SND1: variants seen among roughly 807,000 people sequenced by gnomAD.
SND1 encodes staphylococcal nuclease and tudor domain containing 1, also known as staphylococcal nuclease domain-containing protein 1.
Under a neutral mutation model 121.7 loss-of-function variants are expected in SND1, and 38 were observed. The ratio of observed to expected loss-of-function variants is 0.31; its 90% CI spans 0.24 to 0.41. The LOEUF is 0.41. Ranked by LOEUF, SND1 falls within the 10% of genes least tolerant of loss-of-function variation. The pLI, the probability that SND1 is intolerant of heterozygous loss-of-function variation, is 1.00. For missense variants in SND1, 868 were observed against 1,184.6 expected (o/e 0.73, Z 3.92); for synonymous variants, 401 against 447.4 (o/e 0.90, Z 1.31).
intron 15 of SND1, among the ~76,000 whole-genome samples, chr7:127,953,627 A>T (rs927731830): frequency 6.6e-6 from 1 of 152,212 alleles, no homozygotes; most frequent in African/African-American, 2.4e-5. Flanking sequence ...TATTGTCATA[A>T]TGACACTAAT....
At chr7:127,871,734 C>T (rs1799591011) in intron 12 of SND1, among the ~76,000 whole-genome samples, 1 of 152,100 alleles carries the variant, frequency 6.6e-6, no homozygotes, top group Admixed American at 6.6e-5. Context: ...TCTTGTTGGC[C>T]TCAAACATTA....
intron 10 of SND1, among the ~76,000 whole-genome samples, chr7:127,787,559 T>A (rs1463664270): frequency 1.3e-5 from 2 of 152,184 alleles, no homozygotes; most frequent in Admixed American, 1.3e-4. Context: ...TGAGAATCTG[T>A]TGATTTGTGT....
intron 1 of SND1, among the ~76,000 whole-genome samples, chr7:127,664,728 G>A (rs1795382990): frequency 6.6e-6 from 1 of 152,156 alleles, no homozygotes. Flanking sequence ...ATCTTCAGTG[G>A]GAGGAGTATT....
intron 14 of SND1, among the ~76,000 whole-genome samples, chr7:127,907,303 A>AT (rs1800360775): frequency 6.6e-6 from 1 of 152,048 alleles, no homozygotes; most frequent in African/African-American, 2.4e-5. Flanking sequence ...TTTAAGTGAG[A>AT]TGTATGGGTT....
chr7:128,029,547 G>A lies in SND1; in HGVS notation c.1779+38491G>A, dbSNP rs1334152499. Reference sequence around the variant, plus strand: ...CTTAAGTTCTGCCATCCGACCCTCAGAAATGTTGAGGTCTCGAGGTGCGTC... The same window carrying A: ...CTTAAGTTCTGCCATCCGACCCTCAAAAATGTTGAGGTCTCGAGGTGCGTC... On this transcript the variant is annotated intron_variant, in intron 16 of 23. Coordinates refer to ENST00000354725, the MANE Select transcript of SND1 (RefSeq NM_014390.4). The surrounding 1 kb of genome is among the most constrained non-coding windows in gnomAD (Gnocchi z 4.2). 2 of 1,614,098 alleles carry A rather than the reference G, an allele frequency of 1.2e-6. No individual in the cohort carries two copies. The highest frequency in any genetic ancestry group is 3.3e-5 in the Admixed American group (2 of 60,018).
At chr7:128,019,800 T>G (rs1379395980) in intron 16 of SND1, among the ~76,000 whole-genome samples, 1 of 152,188 alleles carries the variant, frequency 6.6e-6, no homozygotes, top group Non-Finnish European at 1.5e-5. Flanking sequence ...AAGAGAGGAT[T>G]TGAGATGGGA....
At chr7:128,074,786 C>A in intron 17 of SND1, 96 bp downstream of exon 17, 1 of 1,216,354 alleles carries the variant, frequency 8.2e-7, no homozygotes, top group Non-Finnish European at 1.1e-6. Context: ...GTTCTCTCAT[C>A]CCCACAGAGT....
chr7:127,710,788 G>A (rs996905423), intron 9 of SND1, among the ~76,000 whole-genome samples: 4 of 152,106 alleles, frequency 2.6e-5, no homozygotes, highest in African/African-American at 9.7e-5. Flanking sequence ...GGAAGAGGAG[G>A]ACTTAGTTTT....
intron 13 of SND1, 142 bp from the exon 14 acceptor site, chr7:127,904,605 C>T: frequency 1.8e-6 from 1 of 558,082 alleles, no homozygotes; most frequent in Non-Finnish European, 3.3e-6. Context: ...CACAGACTGG[C>T]TACTCAGCAG....
At chr7:128,044,855 G>A (rs757108439) in intron 16 of SND1, among the ~76,000 whole-genome samples, 6 of 152,020 alleles carry the variant, frequency 3.9e-5, no homozygotes, top group Admixed American at 2.0e-4. Context: ...CTGATGGATC[G>A]TGTTCAGTTG....
At chr7:127,880,470 C>A (rs1799769408) in intron 12 of SND1, among the ~76,000 whole-genome samples, 3 of 152,036 alleles carry the variant, frequency 2.0e-5, no homozygotes, top group Admixed American at 2.0e-4. Flanking sequence ...TCATTTCTTT[C>A]CTTTGCCCAT....
intron 16 of SND1, 45 bp downstream of exon 16, chr7:127,991,101 A>C: frequency 2.8e-6 from 4 of 1,408,664 alleles, no homozygotes; most frequent in Non-Finnish European, 4.0e-6. Context: ...GGGGTGACAA[A>C]ATAAGGCTCC....
intron 10 of SND1, among the ~76,000 whole-genome samples, chr7:127,753,639 G>C (rs1253224903): frequency 2.0e-5 from 3 of 152,110 alleles, no homozygotes; most frequent in African/African-American, 7.2e-5. Context: ...CAAATATTTT[G>C]ATACTTTGGC....
In SND1 at chr7:127,929,498, C is replaced by A. The variant is rs1324180188; in HGVS notation, c.1669+169C>A. Among the ~76,000 whole-genome samples the A allele has an allele frequency of 2.6e-5, 4 of 152,298 alleles. No homozygotes were observed. The East Asian group carries it at 7.7e-4, about 29-fold the overall frequency. ...TCTAGATTGGATCCTCCTGTGCCTGCAGACCCAGCACTGCACCCCCTTTCT... is the reference window on the plus strand; with the variant it reads ...TCTAGATTGGATCCTCCTGTGCCTGAAGACCCAGCACTGCACCCCCTTTCT... On this transcript the variant is annotated intron_variant, in intron 15 of 23. Coordinates refer to ENST00000354725, the MANE Select transcript of SND1 (RefSeq NM_014390.4).
At chr7:128,082,864 C>T (rs181745249) in intron 18 of SND1, among the ~76,000 whole-genome samples, 10 of 152,302 alleles carry the variant, frequency 6.6e-5, no homozygotes, top group African/African-American at 1.9e-4. Context: ...GGGGAGGACC[C>T]GCCTTGACTC....
rs79592283 is a variant in SND1, at chr7:127,822,247, C to T, written c.1242+14674C>T. Among the ~76,000 whole-genome samples, 871 of 152,256 alleles carry T rather than the reference C, an allele frequency of 5.7e-3. 12 individuals are homozygous for T. The highest frequency in any genetic ancestry group is 0.02 in the African/African-American group (831 of 41,550). ...TGGGTAGGTATTCTCCCTTTTTACA[C>T]ATATACTAGCATCATAAATAAGTTT... On this transcript the variant is annotated intron_variant, in intron 11 of 23. Transcript: ENST00000354725.
intron 9 of SND1, among the ~76,000 whole-genome samples, chr7:127,716,467 A>G (rs554886825): frequency 3.4e-5 from 5 of 147,540 alleles, no homozygotes; most frequent in Non-Finnish European, 6.0e-5. Context: ...TTTTGATGAT[A>G]CTGGAAAAGG....
At chr7:127,732,319 C>T (rs1266483926) in intron 10 of SND1, among the ~76,000 whole-genome samples, 2 of 152,242 alleles carry the variant, frequency 1.3e-5, no homozygotes, top group East Asian at 1.9e-4. Context: ...CTGCTACCCT[C>T]CCTCTTGGAG....
At chr7:127,660,929 G>C (rs1184944745) in intron 1 of SND1, among the ~76,000 whole-genome samples, 1 of 151,896 alleles carries the variant, frequency 6.6e-6, no homozygotes, top group African/African-American at 2.4e-5. Context: ...GCCTGGAAAG[G>C]TCTATTTTCA....
Sources: gnomAD v4.1 joint callset for allele counts (sites outside exome capture counted in the v4.1 genomes callset) on GRCh38, gnomAD v4.1.1 for gene constraint, Gnocchi (gnomAD v3.1) non-coding constraint, MANE v1.5 for transcripts, NCBI Gene and HGNC (gene_info 2026-07-23, HGNC 2026-07-21) for gene names.